The following NR6A1 variants were observed in gnomAD, a reference collection of about 807,000 sequenced individuals.
NR6A1 encodes the protein retinoic acid receptor-related testis-associated receptor.
Under a neutral mutation model 59.1 loss-of-function variants are expected in NR6A1, and 7 were observed. The ratio of observed to expected loss-of-function variants is 0.12; its 90% confidence interval spans 0.07 to 0.22. The LOEUF (loss-of-function observed/expected upper bound fraction) is 0.22, where lower values mean the gene tolerates loss of function less well. Among genes scored for constraint, NR6A1 ranks in the 10% least tolerant of loss-of-function variants. NR6A1 has a pLI of 1.00. For missense variants in NR6A1, 468 were observed against 611.6 expected (o/e 0.77, Z 2.48); for synonymous variants, 243 against 236.1 (o/e 1.03, Z -0.27).
intron 2 of NR6A1, among the ~76,000 whole-genome samples, chr9:124,568,405 C>T (rs528583320): frequency 6.6e-6 from 1 of 151,652 alleles, no homozygotes; most frequent in African/African-American, 2.4e-5. Context: ...ATTGCTTGAA[C>T]CCAGGAGGCG....
chr9:124,646,228 A>C (rs1384251144), intron 2 of NR6A1, among the ~76,000 whole-genome samples: 1 of 152,152 alleles, frequency 6.6e-6, no homozygotes, highest in African/African-American at 2.4e-5. Context: ...AGTAGGCAGA[A>C]GAAAAGAAAT....
intron 2 of NR6A1, among the ~76,000 whole-genome samples, chr9:124,570,786 CG>C (rs1834417378): frequency 6.6e-6 from 1 of 152,034 alleles, no homozygotes; most frequent in Non-Finnish European, 1.5e-5. Flanking sequence ...AAATATAAAT[CG>C]TTCTCAGTGG....
At chr9:124,649,325 C>A (rs1311515783) in intron 2 of NR6A1, among the ~76,000 whole-genome samples, 3 of 149,034 alleles carry the variant, frequency 2.0e-5, no homozygotes, top group African/African-American at 7.4e-5. Context: ...AAATCATTTT[C>A]AATAAAGGCA....
rs1461631513 is a variant in NR6A1 at position 124,538,198 on chromosome 9, G to A, written c.718C>T (p.Pro240Ser). The change falls in exon 6 of 10, where the codon CCC (proline) becomes TCC (serine). Residue 240 changes from proline to serine, a missense_variant. Physicochemically the swap from Pro to Ser is moderately conservative, Grantham distance 74. Coordinates refer to ENST00000487099, the MANE Select transcript of NR6A1 (RefSeq NM_033334.4). The stretch of plus-strand genomic sequence containing the variant: ...GGATCCAGGCTGCGAGCTTGTTGGG[G>A]CAGAAGTGGTGAGTGGCCAGAATAG... The part of the protein sequence containing the change: ...FSYSGHSPLL[P>S]QQARSLDPQS... 12 of 1,614,092 alleles carry A rather than the reference G, an allele frequency of 7.4e-6. No individual in the cohort carries two copies. In the Admixed American group the frequency reaches 2.0e-4, roughly 27 times the overall value.
At chr9:124,660,764 G>A (rs144546929) in intron 2 of NR6A1, among the ~76,000 whole-genome samples, 7 of 151,186 alleles carry the variant, frequency 4.6e-5, no homozygotes, top group Non-Finnish European at 8.8e-5. Flanking sequence ...ATAAAGTCAC[G>A]AGTCCCATGT....
chr9:124,676,274 T>G (rs1314308055), intron 2 of NR6A1, among the ~76,000 whole-genome samples: 2 of 152,150 alleles, frequency 1.3e-5, no homozygotes. Context: ...AAAAAAATAT[T>G]GAGCTGCAAA....
chr9:124,659,132 C>T (rs1036910508), intron 2 of NR6A1, among the ~76,000 whole-genome samples: 2 of 152,174 alleles, frequency 1.3e-5, no homozygotes, highest in African/African-American at 4.8e-5. Flanking sequence ...TGGCCAAACA[C>T]TTGTGCCGCC....
At chr9:124,565,929 A>G (rs187088101) in intron 2 of NR6A1, among the ~76,000 whole-genome samples, 66 of 152,370 alleles carry the variant, frequency 4.3e-4, no homozygotes, top group African/African-American at 1.5e-3. Context: ...TGGAAGAGAC[A>G]TCTATCCTAT....
intron 3 of NR6A1, among the ~76,000 whole-genome samples, chr9:124,550,705 A>G (rs898883709): frequency 6.6e-6 from 1 of 151,096 alleles, no homozygotes; most frequent in African/African-American, 2.4e-5. Flanking sequence ...ATTTATATTT[A>G]TATTTATATT....
chr9:124,636,706 T>C (rs1383718493), intron 2 of NR6A1, among the ~76,000 whole-genome samples: 2 of 152,216 alleles, frequency 1.3e-5, no homozygotes, highest in African/African-American at 4.8e-5. Context: ...TTTTCTCCTA[T>C]GTCAAAGATC....
chr9:124,567,735 A>G (rs1284187891), intron 2 of NR6A1, among the ~76,000 whole-genome samples: 3 of 152,196 alleles, frequency 2.0e-5, no homozygotes, highest in African/African-American at 7.2e-5. Flanking sequence ...AAGAAATAAA[A>G]TAATTAGCTA....
intron 2 of NR6A1, among the ~76,000 whole-genome samples, chr9:124,631,059 T>C (rs1443122876): frequency 6.6e-6 from 1 of 151,984 alleles, no homozygotes; most frequent in African/African-American, 2.4e-5. Context: ...ATAAAGTAAA[T>C]GAATGAATAT....
At chr9:124,726,358 C>T (rs1839718230) in intron 2 of NR6A1, among the ~76,000 whole-genome samples, 1 of 152,196 alleles carries the variant, frequency 6.6e-6, no homozygotes. Context: ...TAGCATATTT[C>T]TCATGTAATG....
chr9:124,611,530 G>A (rs1338211629), intron 2 of NR6A1, among the ~76,000 whole-genome samples: 2 of 152,010 alleles, frequency 1.3e-5, no homozygotes, highest in Non-Finnish European at 2.9e-5. Flanking sequence ...GAGGCCAGAA[G>A]TTTGAGACCA....
intron 3 of NR6A1, among the ~76,000 whole-genome samples, chr9:124,553,549 C>CTTTTTTTTTTGT (rs1833840485): frequency 2.1e-5 from 1 of 47,324 alleles, no homozygotes; most frequent in African/African-American, 7.8e-5. Context: ...TTTAGCTTGA[C>CTTTTTTTTTTGT]TTTTTTTTTT....
chr9:124,611,555 G>A (rs1835743512), intron 2 of NR6A1, among the ~76,000 whole-genome samples: 2 of 151,938 alleles, frequency 1.3e-5, no homozygotes, highest in African/African-American at 2.4e-5. Context: ...GGGCAATATA[G>A]TGAGACACTC....
intron 7 of NR6A1, among the ~76,000 whole-genome samples, chr9:124,527,430 G>A (rs780852447): frequency 5.9e-5 from 9 of 152,236 alleles, no homozygotes; most frequent in Non-Finnish European, 8.8e-5. Flanking sequence ...TATGCATAGT[G>A]AAAATTTTTA....
chr9:124,623,526 ATT>A (rs60023969), intron 2 of NR6A1, among the ~76,000 whole-genome samples: 47 of 139,484 alleles, frequency 3.4e-4, no homozygotes, highest in Admixed American at 5.1e-4. Flanking sequence ...TGCCTGGCTA[ATT>A]TTTTTTTTTT....
intron 2 of NR6A1, among the ~76,000 whole-genome samples, chr9:124,684,182 T>G (rs921693798): frequency 2.0e-5 from 3 of 152,164 alleles, no homozygotes. Flanking sequence ...CATCCAGCAT[T>G]TCTACCATCA....
Sources: allele counts gnomAD v4.1 joint callset (sites outside exome capture counted in the v4.1 genomes callset), GRCh38; gene constraint gnomAD v4.1.1; transcripts MANE v1.5; gene names NCBI Gene and HGNC (gene_info 2026-07-23, HGNC 2026-07-21).